Variants in FSTL5 observed in about 807,000 individuals in gnomAD.
FSTL5 encodes the protein follistatin like 5, also known as follistatin-related protein 5.
FSTL5 carries 62 observed loss-of-function variants against 89.1 expected under a neutral mutation model. The observed-to-expected ratio is 0.70, with a 90% CI of 0.57 to 0.86. The LOEUF is 0.86. FSTL5 is among the 40% of genes least tolerant of loss of function. The probability of loss-of-function intolerance (pLI) is 0.00; values close to 1 mark genes in which losing one functional copy is unlikely to be tolerated. For missense variants in FSTL5, 1,057 were observed against 1,001.6 expected (o/e 1.06, Z -0.75); for synonymous variants, 383 against 346.2 (o/e 1.11, Z -1.18).
chr4:161,601,859 A>G (rs1179351109), intron 7 of FSTL5, among the ~76,000 whole-genome samples: 1 of 152,202 alleles, frequency 6.6e-6, no homozygotes, highest in Non-Finnish European at 1.5e-5. Context: ...ACTTCCAGGC[A>G]TAAACACTTT....
intron 6 of FSTL5, among the ~76,000 whole-genome samples, chr4:161,665,280 C>T (rs1181720036): frequency 2.0e-5 from 3 of 152,104 alleles, no homozygotes; most frequent in Non-Finnish European, 4.4e-5. Flanking sequence ...CTCACTCCTT[C>T]ACCCAGGCTG....
At chr4:161,687,658 A>G (rs375398836) in intron 6 of FSTL5, among the ~76,000 whole-genome samples, 9 of 152,234 alleles carry the variant, frequency 5.9e-5, no homozygotes, top group African/African-American at 2.2e-4. Context: ...ATGGGGGCAT[A>G]TGTGTCACCT....
chr4:161,533,839 T>G (rs1731503882), intron 10 of FSTL5, among the ~76,000 whole-genome samples: 1 of 151,864 alleles, frequency 6.6e-6, no homozygotes, highest in South Asian at 2.1e-4. Flanking sequence ...CTCAATAAAG[T>G]ACTAGCAAAC....
intron 15 of FSTL5, among the ~76,000 whole-genome samples, chr4:161,444,155 A>C (rs1057176063): frequency 1.8e-4 from 27 of 151,830 alleles, no homozygotes; most frequent in Non-Finnish European, 2.8e-4. Flanking sequence ...AAAAATGATA[A>C]ATATGGAAAA....
At chr4:161,761,228 C>T (rs994760268) in intron 5 of FSTL5, among the ~76,000 whole-genome samples, 3 of 152,156 alleles carry the variant, frequency 2.0e-5, no homozygotes, top group African/African-American at 7.2e-5. Flanking sequence ...AACTACCTAA[C>T]GCTGAAGCCA....
chr4:161,749,786 C>T (rs1389423800), intron 6 of FSTL5, among the ~76,000 whole-genome samples: 1 of 145,584 alleles, frequency 6.9e-6, no homozygotes, highest in Admixed American at 6.8e-5. Context: ...AGCGAGACTC[C>T]GTCAAAAAAA....
intron 4 of FSTL5, among the ~76,000 whole-genome samples, chr4:161,896,289 C>T (rs1034120477): frequency 6.6e-6 from 1 of 152,160 alleles, no homozygotes; most frequent in Non-Finnish European, 1.5e-5. Flanking sequence ...TTGTGCTACA[C>T]ATGAATATGG....
At chr4:161,922,563 A>G (rs552940365) in intron 3 of FSTL5, among the ~76,000 whole-genome samples, 15 of 152,084 alleles carry the variant, frequency 9.9e-5, no homozygotes, top group Admixed American at 7.9e-4. Flanking sequence ...GATTCAGTGG[A>G]TCTCAAGTCT....
Position 161,434,778 on chromosome 4 carries a change from G to A in FSTL5, c.1841+20226C>T, listed in dbSNP as rs182827426. Among the ~76,000 whole-genome samples the A allele has an allele frequency of 7.4e-4, 112 of 152,066 alleles. 2 individuals are homozygous for A. Among genetic ancestry groups the A allele is most frequent in the Non-Finnish European group, 3.2e-4 (22 of 67,908 alleles). ...CTAACTGGGCAAAAGATGTGAATAT[G>A]CATTTCTCAAAAGAAGACATACAAA... On this transcript the variant is annotated intron_variant, in intron 15 of 15. Transcript: ENST00000306100.
intron 4 of FSTL5, among the ~76,000 whole-genome samples, chr4:161,814,117 A>T (rs1730252741): frequency 2.0e-5 from 3 of 152,024 alleles, no homozygotes; most frequent in Non-Finnish European, 4.4e-5. Flanking sequence ...GAAGAGAAAG[A>T]TGGAAGGCAT....
chr4:161,505,110 C>G (rs1303801181), intron 11 of FSTL5, among the ~76,000 whole-genome samples: 3 of 152,034 alleles, frequency 2.0e-5, no homozygotes, highest in Non-Finnish European at 4.4e-5. Flanking sequence ...ATCCTTTTTA[C>G]TTTCAAGTGA....
intron 6 of FSTL5, among the ~76,000 whole-genome samples, chr4:161,713,898 T>C (rs1738887087): frequency 6.6e-6 from 1 of 152,212 alleles, no homozygotes; most frequent in African/African-American, 2.4e-5. Context: ...ATTCTAATTC[T>C]TTGACATCTA....
chr4:161,404,253 T>C (rs996395985), intron 15 of FSTL5, among the ~76,000 whole-genome samples: 2 of 152,182 alleles, frequency 1.3e-5, no homozygotes, highest in African/African-American at 4.8e-5. Context: ...GAAGCGTGGG[T>C]CAATTGATTA....
At chr4:161,424,024 C>CTTTTTTTTTTT (rs11287729) in intron 15 of FSTL5, among the ~76,000 whole-genome samples, 4 of 75,378 alleles carry the variant, frequency 5.3e-5, no homozygotes, top group African/African-American at 5.6e-5. Context: ...GCCCATCATT[C>CTTTTTTTTTTT]TTTTTTTTTT....
rs535068806 is a variant in FSTL5, at chr4:161,667,890, A to G, written c.728-11396T>C. 1.7e-4 allele frequency among the ~76,000 whole-genome samples: 26 copies of G among 152,214 alleles called. 2 individuals carry two copies. In the East Asian group the frequency reaches 2.9e-3, roughly 17 times the overall value. On this transcript the variant is annotated intron_variant, in intron 6 of 15. Coordinates refer to ENST00000306100, the MANE Select transcript of FSTL5 (RefSeq NM_020116.5). ...GAGAAGGGAGAAAACAATCATTTTA[A>G]AAAGATTCAGGCATTGAATACATAT...
At chr4:161,548,731 A>C (rs914223045) in intron 8 of FSTL5, among the ~76,000 whole-genome samples, 5 of 151,816 alleles carry the variant, frequency 3.3e-5, no homozygotes, top group Non-Finnish European at 7.4e-5. Context: ...CATTCCAAGA[A>C]CATTATAATT....
chr4:161,785,003 C>T (rs566602091), intron 4 of FSTL5, among the ~76,000 whole-genome samples: 6 of 152,154 alleles, frequency 3.9e-5, no homozygotes, highest in African/African-American at 1.4e-4. Context: ...AATCACATTG[C>T]TGGCACTGTT....
chr4:162,125,226 A>G (rs1375629220), intron 1 of FSTL5, among the ~76,000 whole-genome samples: 2 of 152,162 alleles, frequency 1.3e-5, no homozygotes, highest in African/African-American at 4.8e-5. Flanking sequence ...TTTACTTTAT[A>G]CAACTTTTAA....
At chr4:161,688,402 G>C (rs1392153892) in intron 6 of FSTL5, among the ~76,000 whole-genome samples, 1 of 147,952 alleles carries the variant, frequency 6.8e-6, no homozygotes, top group Non-Finnish European at 1.5e-5. Context: ...GTCATACTCT[G>C]TTATAACAGC....
Sources: gnomAD v4.1 joint callset for allele counts (sites outside exome capture counted in the v4.1 genomes callset) on GRCh38, gnomAD v4.1.1 for gene constraint, MANE v1.5 for transcripts, NCBI Gene and HGNC (gene_info 2026-07-23, HGNC 2026-07-21) for gene names.